The following APOL1 variants were observed in gnomAD, a reference collection of about 807,000 sequenced individuals.
APOL1 encodes apolipoprotein L1, also known as apolipoprotein L 1.
In APOL1, 17 loss-of-function variants were observed where a neutral mutation model predicts 14.9. The observed-to-expected ratio is 1.14, with a 90% CI of 0.78 to 1.71. APOL1 has a LOEUF of 1.71. Among genes scored for constraint, APOL1 ranks in the 40% most tolerant of loss-of-function variants. APOL1 has a pLI of 0.00. For missense variants in APOL1, 523 were observed against 485.9 expected (o/e 1.08, Z -0.72); for synonymous variants, 195 against 184.8 (o/e 1.05, Z -0.45).
At chr22:36,257,497 C>T (rs1042861994) in intron 4 of APOL1, 90 bp downstream of exon 4, 14 of 1,314,890 alleles carry the variant, frequency 1.1e-5, no homozygotes, top group Middle Eastern at 1.9e-4. Flanking sequence ...CAGAAGAACC[C>T]GGATGGACTA....
intron 5 of APOL1, among the ~76,000 whole-genome samples, chr22:36,264,862 G>A (rs1291275039): frequency 6.8e-6 from 1 of 147,604 alleles, no homozygotes; most frequent in Non-Finnish European, 1.5e-5. Context: ...GCCCAAGCTG[G>A]AGTGCAGTGG....
chr22:36,258,864 A>AT (rs559565492), intron 4 of APOL1, among the ~76,000 whole-genome samples: 102 of 152,170 alleles, frequency 6.7e-4, no homozygotes, highest in African/African-American at 2.4e-3. Flanking sequence ...GGAGGGTATG[A>AT]TTGAGTGTGA....
chr22:36,266,166 C>A lies in APOL1; in HGVS notation c.*133C>A, dbSNP rs928148872. The A allele has an allele frequency of 2.0e-6, 2 of 986,088 alleles. No homozygotes were observed. The highest frequency in any genetic ancestry group is 2.7e-5 in the East Asian group (1 of 37,174). The allele number at this position is 986,088 out of a possible 1,614,324, so 61.1% of individuals were successfully genotyped here. On this transcript the variant is annotated 3_prime_UTR_variant, in exon 6 of 6. Transcript: ENST00000397278. ...AGTGCAATGGTGCGATCTCAGCTCACTGCAAGCTCTGCCTCCCGTGTTCAA... is the reference window on the plus strand; with the variant it reads ...AGTGCAATGGTGCGATCTCAGCTCAATGCAAGCTCTGCCTCCCGTGTTCAA...
intron 5 of APOL1, among the ~76,000 whole-genome samples, chr22:36,262,194 A>G (rs1463460611): frequency 6.6e-6 from 1 of 152,172 alleles, no homozygotes; most frequent in East Asian, 1.9e-4. Context: ...CAAGTCAGAA[A>G]AATCCTGACC....
intron 4 of APOL1, 76 bp from the exon 5 acceptor site, chr22:36,261,520 T>C: frequency 6.9e-7 from 1 of 1,454,542 alleles, no homozygotes. Flanking sequence ...AATTAACATG[T>C]AGTCATCTCT....
intron 5 of APOL1, among the ~76,000 whole-genome samples, chr22:36,262,039 C>G (rs965830605): frequency 6.6e-6 from 1 of 152,190 alleles, no homozygotes; most frequent in African/African-American, 2.4e-5. Flanking sequence ...AAAATGAGAT[C>G]GTGCATGTAA....
In APOL1 at chr22:36,265,791, G is replaced by C; in HGVS notation, c.955G>C (p.Glu319Gln). 6.2e-7 allele frequency: 1 copy of C among 1,614,202 alleles called. No individual in the cohort carries two copies. The highest frequency in any genetic ancestry group is 8.5e-7 in the Non-Finnish European group (1 of 1,180,044). Residue 319 changes from glutamate to glutamine, a missense_variant, in exon 6 of 6, where the codon GAG (glutamate) becomes CAG (glutamine). Transcript: ENST00000397278. ...PISAESGEQV[E>Q]RVNEPSILEM... ...CTCAGCTGAAAGCGGTGAACAGGTG[G>C]AGAGGGTTAATGAACCCAGCATCCT...
Position 36,253,196 on chromosome 22 carries a change from T to C in APOL1, c.-43T>C. On this transcript the variant is annotated 5_prime_UTR_variant, in exon 1 of 6. Coordinates refer to ENST00000397278, the MANE Select transcript of APOL1 (RefSeq NM_003661.4). ...CTCAGAACAGCTGGATCTTGCTCAG[T>C]CTCTGCCAGGGGAAGATTCCTTGGT... The C allele has an allele frequency of 2.0e-6, 1 of 492,482 alleles. No individual in the cohort carries two copies. Among genetic ancestry groups the C allele is most frequent in the Non-Finnish European group, 4.0e-6 (1 of 247,024 alleles). 30.5% of individuals were successfully genotyped at this position (492,482 alleles called of 1,614,324 possible).
Position 36,265,806 on chromosome 22 carries a change from C to T in APOL1, c.970C>T (p.Pro324Ser), listed in dbSNP as rs2016235551. 1 of 1,614,008 alleles carries T rather than the reference C, an allele frequency of 6.2e-7. No homozygotes were observed. Among genetic ancestry groups the T allele is most frequent in the Admixed American group, 1.7e-5 (1 of 59,994 alleles). Residue 324 changes from proline to serine, a missense_variant, in exon 6 of 6, where the codon CCC (proline) becomes TCC (serine). By Grantham distance (74) the Pro-to-Ser change is moderately conservative. Transcript: ENST00000397278. Reference sequence around the variant, plus strand: ...TGAACAGGTGGAGAGGGTTAATGAACCCAGCATCCTGGAAATGAGCAGAGG... The same window carrying T: ...TGAACAGGTGGAGAGGGTTAATGAATCCAGCATCCTGGAAATGAGCAGAGG... ...SGEQVERVNE[P>S]SILEMSRGVK...
Position 36,265,954 on chromosome 22 carries a change from A to G in APOL1, c.1118A>G (p.Lys373Arg). 6.2e-7 allele frequency: 1 copy of G among 1,614,160 alleles called. No homozygotes were observed. The highest frequency in any genetic ancestry group is 2.2e-5 in the East Asian group (1 of 44,888). Residue 373 changes from lysine to arginine, a missense_variant, in exon 6 of 6, where the codon AAG (lysine) becomes AGG (arginine). Coordinates refer to ENST00000397278, the MANE Select transcript of APOL1 (RefSeq NM_003661.4). Reference sequence around the variant, plus strand: ...TCAGAGACAGCTGAGGAGCTGAAGAAGGTGGCTCAGGAGCTGGAGGAGAAG... The same window carrying G: ...TCAGAGACAGCTGAGGAGCTGAAGAGGGTGGCTCAGGAGCTGGAGGAGAAG... Reference protein sequence around the residue: ...AKSETAEELKKVAQELEEKLN... With the variant: ...AKSETAEELKRVAQELEEKLN...
At chr22:36,264,815 T>A (rs990178689) in intron 5 of APOL1, among the ~76,000 whole-genome samples, 2 of 147,906 alleles carry the variant, frequency 1.4e-5, no homozygotes, top group Non-Finnish European at 3.0e-5. Context: ...CATTTCTTTT[T>A]TTTTTTTTTT....
chr22:36,253,775 A>AG, intron 1 of APOL1: 1 of 635,546 alleles, frequency 1.6e-6, no homozygotes, highest in African/African-American at 1.8e-5. Context: ...CCGTGTCAGG[A>AG]GGCTGAGCAG....
intron 4 of APOL1, among the ~76,000 whole-genome samples, chr22:36,258,069 C>T (rs1378018832): frequency 6.6e-6 from 1 of 152,182 alleles, no homozygotes; most frequent in Non-Finnish European, 1.5e-5. Context: ...CCAGTGCCTG[C>T]CACACAATAG....
chr22:36,267,139 T>C lies in APOL1; in HGVS notation c.*1106T>C, dbSNP rs2016299885. 1 of 152,296 alleles carries C rather than the reference T, an allele frequency of 6.6e-6. No individual in the cohort carries two copies. The highest frequency in any genetic ancestry group is 1.5e-5 in the Non-Finnish European group (1 of 68,142). The allele number at this position is 152,296 out of a possible 1,614,324, so 9.4% of individuals were successfully genotyped here. ...GGTCCCCTGCCCTGTCTTTCCAGCA[T>C]CCACTCTCCCTTGTCCTCCTGGGGG... is the stretch of plus-strand genomic sequence containing the variant. On this transcript the variant is annotated 3_prime_UTR_variant, in exon 6 of 6. Coordinates refer to ENST00000397278, the MANE Select transcript of APOL1 (RefSeq NM_003661.4).
Position 36,254,929 on chromosome 22 carries a change from T to A in APOL1, c.-19-8T>A. The A allele has an allele frequency of 2.5e-6, 4 of 1,613,842 alleles. No homozygotes were observed. The highest frequency in any genetic ancestry group is 3.4e-6 in the Non-Finnish European group (4 of 1,179,786). ...CACACTGTCTCAACCCCTCTTTTCC[T>A]GCTCAAGGAGGAGGCCCTGCAGCGA... On this transcript the variant is annotated splice_polypyrimidine_tract_variant and splice_region_variant and intron_variant, in intron 1 of 5. Transcript: ENST00000397278.
intron 1 of APOL1, 36 bp from the exon 2 acceptor site, chr22:36,254,901 G>T: frequency 6.2e-7 from 1 of 1,612,694 alleles, no homozygotes; most frequent in South Asian, 1.1e-5. Context: ...TTCTCAGGAG[G>T]AGCACACTGT....
In APOL1 at chr22:36,265,304, A is replaced by G. The variant is rs574173074; in HGVS notation, c.468A>G (p.Arg156=). The G allele has an allele frequency of 1.2e-6, 2 of 1,613,568 alleles. No homozygotes were observed. Among genetic ancestry groups the G allele is most frequent in the South Asian group, 1.1e-5 (1 of 91,038 alleles). ...AAAGTGAGCTTGAGGATAACATAAG[A>G]AGGCTCCGTGCCCTTGCAGATGGGG... ...RLKSELEDNI[R]RLRALADGVQ... is the part of the protein sequence containing the mutation. Residue 156 remains arginine, a synonymous_variant, in exon 6 of 6, where the codon AGA becomes AGG. Transcript: ENST00000397278.
At position 36,253,187 on chromosome 22, in the gene APOL1, C is replaced by A. The variant is rs1603481813; in HGVS notation, c.-52C>A. Reference sequence around the variant, plus strand: ...TCCACACAGCTCAGAACAGCTGGATCTTGCTCAGTCTCTGCCAGGGGAAGA... The same window carrying A: ...TCCACACAGCTCAGAACAGCTGGATATTGCTCAGTCTCTGCCAGGGGAAGA... On this transcript the variant is annotated 5_prime_UTR_variant, in exon 1 of 6. Coordinates refer to ENST00000397278, the MANE Select transcript of APOL1 (RefSeq NM_003661.4). The A allele has an allele frequency of 2.0e-6, 1 of 499,394 alleles. No individual in the cohort carries two copies. The highest frequency in any genetic ancestry group is 1.5e-5 in the South Asian group (1 of 67,602). 30.9% of individuals were successfully genotyped at this position (499,394 alleles called of 1,614,324 possible).
intron 1 of APOL1, chr22:36,253,805 G>A (rs185061770): frequency 1.5e-4 from 126 of 817,038 alleles, no homozygotes; most frequent in Middle Eastern, 4.7e-4. Context: ...AGGACTCCAC[G>A]TCTCTGGCCC....
Sources: gnomAD v4.1 joint callset for allele counts (sites outside exome capture counted in the v4.1 genomes callset) on GRCh38, gnomAD v4.1.1 for gene constraint, MANE v1.5 for transcripts, NCBI Gene and HGNC (gene_info 2026-07-23, HGNC 2026-07-21) for gene names.